The following HCN1 variants were observed in gnomAD, a reference collection of about 807,000 sequenced individuals.
HCN1 encodes potassium/sodium hyperpolarization-activated cyclic nucleotide-gated channel 1.
Under a neutral mutation model 78.9 loss-of-function variants are expected in HCN1, and 13 were observed. The ratio of observed to expected loss-of-function variants is 0.16; its 90% confidence interval spans 0.11 to 0.26. The LOEUF is 0.26. HCN1 is among the 10% of genes least tolerant of loss of function. The pLI, the probability that HCN1 is intolerant of heterozygous loss-of-function variation, is 1.00. For synonymous variants in HCN1, 552 were observed against 455.5 expected (o/e 1.21, Z -2.70); for missense variants, 810 against 1,154.3 (o/e 0.70, Z 4.32).
chr5:45,678,157 G>A (rs1181710939), intron 1 of HCN1, among the ~76,000 whole-genome samples: 3 of 151,770 alleles, frequency 2.0e-5, no homozygotes, highest in Non-Finnish European at 4.4e-5. Flanking sequence ...AATAAGTGAT[G>A]GCTACTTATG....
chr5:45,288,059 C>T (rs1421398220), intron 6 of HCN1, among the ~76,000 whole-genome samples: 1 of 152,016 alleles, frequency 6.6e-6, no homozygotes, highest in Non-Finnish European at 1.5e-5. Flanking sequence ...AGATCTGTGG[C>T]TTTCCCAAGG....
At chr5:45,493,076 A>T (rs905876973) in intron 2 of HCN1, among the ~76,000 whole-genome samples, 3 of 152,124 alleles carry the variant, frequency 2.0e-5, no homozygotes, top group Admixed American at 6.6e-5. Context: ...TCTCATACAA[A>T]TTCTTGTAAA....
chr5:45,299,001 G>T (rs925111134), intron 6 of HCN1, among the ~76,000 whole-genome samples: 1 of 151,928 alleles, frequency 6.6e-6, no homozygotes, highest in African/African-American at 2.4e-5. Flanking sequence ...CTTGAGAAAA[G>T]CATCAGACAA....
chr5:45,552,326 A>T lies in HCN1; in HGVS notation c.850-90319T>A, dbSNP rs183947725. ...AATGATTGTTTACATAGTATACCTTAAAAAACAGGCAGCCATGAACTCGCA... is the reference window on the plus strand; with the variant it reads ...AATGATTGTTTACATAGTATACCTTTAAAAACAGGCAGCCATGAACTCGCA... On this transcript the variant is annotated intron_variant, in intron 2 of 7. Coordinates refer to ENST00000303230, the MANE Select transcript of HCN1 (RefSeq NM_021072.4). Among the ~76,000 whole-genome samples the T allele has an allele frequency of 3.2e-4, 48 of 152,066 alleles. 1 individual carries two copies. The East Asian group carries it at 7.2e-3, about 23-fold the overall frequency.
intron 1 of HCN1, among the ~76,000 whole-genome samples, chr5:45,694,075 T>C (rs1483511665): frequency 6.6e-6 from 1 of 152,212 alleles, no homozygotes; most frequent in Non-Finnish European, 1.5e-5. Flanking sequence ...GACAACCTTA[T>C]ACATCTTAGA....
intron 2 of HCN1, among the ~76,000 whole-genome samples, chr5:45,632,564 C>G (rs1214043714): frequency 6.6e-6 from 1 of 151,998 alleles, no homozygotes; most frequent in Non-Finnish European, 1.5e-5. Flanking sequence ...CCTTTGACCT[C>G]TCACTTATTA....
chr5:45,492,423 A>ATATATATATATAT (rs1561174289), intron 2 of HCN1, among the ~76,000 whole-genome samples: 20 of 141,520 alleles, frequency 1.4e-4, no homozygotes, highest in African/African-American at 2.3e-4. Context: ...ATATATATAT[A>ATATATATATATAT]AAATTTGAAG....
intron 3 of HCN1, among the ~76,000 whole-genome samples, chr5:45,412,735 G>T (rs1012120078): frequency 7.0e-6 from 1 of 142,442 alleles, no homozygotes; most frequent in Non-Finnish European, 1.5e-5. Context: ...GCCCCAGTAG[G>T]GTTCAGGTTG....
intron 5 of HCN1, among the ~76,000 whole-genome samples, chr5:45,347,236 T>A (rs1023082551): frequency 1.3e-5 from 2 of 152,208 alleles, no homozygotes; most frequent in Non-Finnish European, 2.9e-5. Context: ...CAGCCACCGC[T>A]GCTGATACCC....
Position 45,575,237 on chromosome 5 carries a change from G to C in HCN1, c.849+69948C>G, listed in dbSNP as rs1743915066. 2.0e-5 allele frequency: 3 copies of C among 152,092 alleles called. No individual in the cohort carries two copies. In the South Asian group the frequency reaches 6.2e-4, roughly 32 times the overall value. The allele number at this position is 152,092 out of a possible 1,614,324, so 9.4% of individuals were successfully genotyped here. A position where few individuals can be genotyped will look rare whatever the true frequency, so the allele number is the denominator to read the frequency against. ...AAGAACAGTCTGACTCTCTTTTTAG[G>C]AGCTAATGTAGCTGGTGACTTTAAG... On this transcript the variant is annotated intron_variant, in intron 2 of 7. Coordinates refer to ENST00000303230, the MANE Select transcript of HCN1 (RefSeq NM_021072.4).
chr5:45,663,750 A>G (rs1745972415), intron 1 of HCN1, among the ~76,000 whole-genome samples: 1 of 151,978 alleles, frequency 6.6e-6, no homozygotes, highest in African/African-American at 2.4e-5. Flanking sequence ...AATCAAAACC[A>G]CTATGAGGTA....
At chr5:45,573,407 C>A (rs1743872499) in intron 2 of HCN1, among the ~76,000 whole-genome samples, 1 of 151,988 alleles carries the variant, frequency 6.6e-6, no homozygotes, top group South Asian at 2.1e-4. Flanking sequence ...GTGTCTAGTG[C>A]AAATACAGCT....
At position 45,267,577 on chromosome 5, in the gene HCN1, G is replaced by A. The variant is rs375238992; in HGVS notation, c.1619-324C>T. The stretch of plus-strand genomic sequence containing the variant: ...GAGGTCAAGAGATCGAGACCATCCT[G>A]GCTAACATGGTGAAACCCCGTCTCT... On this transcript the variant is annotated intron_variant, in intron 6 of 7. Coordinates refer to ENST00000303230, the MANE Select transcript of HCN1 (RefSeq NM_021072.4). Among the ~76,000 whole-genome samples, 48 of 152,036 alleles carry A rather than the reference G, an allele frequency of 3.2e-4. No homozygotes were observed. In the South Asian group the frequency reaches 9.6e-3, roughly 30 times the overall value.
At chr5:45,308,015 G>A (rs1214346790) in intron 5 of HCN1, among the ~76,000 whole-genome samples, 5 of 152,070 alleles carry the variant, frequency 3.3e-5, no homozygotes, top group African/African-American at 1.2e-4. Context: ...TGCATGGGAG[G>A]AGGTGTTTCA....
intron 4 of HCN1, among the ~76,000 whole-genome samples, chr5:45,377,980 A>G (rs1747724362): frequency 6.6e-6 from 1 of 152,026 alleles, no homozygotes; most frequent in African/African-American, 2.4e-5. Context: ...ACATTAATGA[A>G]TTATGTGTAT....
intron 6 of HCN1, among the ~76,000 whole-genome samples, chr5:45,280,129 G>T (rs1205626587): frequency 6.6e-6 from 1 of 152,128 alleles, no homozygotes; most frequent in East Asian, 1.9e-4. Context: ...AAACAAAAAA[G>T]AATTTTGCTG....
At chr5:45,459,251 CAATAAAATAA>C (rs551221127) in intron 3 of HCN1, among the ~76,000 whole-genome samples, 7 of 151,434 alleles carry the variant, frequency 4.6e-5, no homozygotes, top group Non-Finnish European at 7.4e-5. Context: ...AAAATAAAAA[CAATAAAATAA>C]AATAAAATAA....
Position 45,552,112 on chromosome 5 carries a change from C to T in HCN1, c.850-90105G>A, listed in dbSNP as rs562717957. 7.2e-5 allele frequency among the ~76,000 whole-genome samples: 11 copies of T among 151,958 alleles called. No individual in the cohort carries two copies. In the East Asian group the frequency reaches 1.9e-3, roughly 27 times the overall value. The stretch of plus-strand genomic sequence containing the variant: ...TAGTGGTTAACACAAGCAGATTCAT[C>T]CTCAAATTTTGCATCTGAGCTTGAG... On this transcript the variant is annotated intron_variant, in intron 2 of 7. Transcript: ENST00000303230.
intron 3 of HCN1, among the ~76,000 whole-genome samples, chr5:45,437,466 G>C (rs1740579317): frequency 6.6e-6 from 1 of 152,158 alleles, no homozygotes; most frequent in Non-Finnish European, 1.5e-5. Flanking sequence ...TAAATGTATA[G>C]TATTTGAATA....
Sources: gnomAD v4.1 joint callset for allele counts (sites outside exome capture counted in the v4.1 genomes callset) on GRCh38, gnomAD v4.1.1 for gene constraint, MANE v1.5 for transcripts, NCBI Gene and HGNC (gene_info 2026-07-23, HGNC 2026-07-21) for gene names.